ARHGEF33: variants seen among roughly 807,000 people sequenced by gnomAD.
ARHGEF33 encodes Rho guanine nucleotide exchange factor 33, also known as DH and coiled-coil domain-containing protein ENSP00000381780.
A neutral mutation model predicts 101.9 loss-of-function variants in ARHGEF33; 72 were observed. That is an observed-to-expected ratio of 0.71 (90% CI 0.58 to 0.86). The LOEUF (loss-of-function observed/expected upper bound fraction) is 0.86, where lower values mean the gene tolerates loss of function less well. Ranked by LOEUF, ARHGEF33 falls within the 40% of genes least tolerant of loss-of-function variation. ARHGEF33 has a pLI of 0.00. For synonymous variants in ARHGEF33, 499 were observed against 442.5 expected, an observed-to-expected ratio of 1.13 and a Z score of -1.60; for missense variants, 1,169 against 1,111.3, an observed-to-expected ratio of 1.05 and a Z score of -0.74.
At chr2:38,897,232 T>C (rs1666141930) in intron 2 of ARHGEF33, among the ~76,000 whole-genome samples, 1 of 152,184 alleles carries the variant, frequency 6.6e-6, no homozygotes, top group African/African-American at 2.4e-5. Flanking sequence ...GTACTTTTCA[T>C]AGTACACTCG....
At chr2:38,907,413 T>C (rs967471566) in intron 2 of ARHGEF33, among the ~76,000 whole-genome samples, 1 of 152,182 alleles carries the variant, frequency 6.6e-6, no homozygotes, top group Non-Finnish European at 1.5e-5. Context: ...CCAAATTGGA[T>C]GTCATTTCAT....
rs1280743591 is a variant in ARHGEF33, at chr2:38,959,886, G to A, written c.1581G>A (p.Leu527=). Residue 527 remains leucine, a synonymous_variant, in exon 16 of 18, where the codon CTG becomes CTA. Transcript: ENST00000409978. The part of the protein sequence containing the change: ...PVKKSQQQQS[L]MESMQPGKPS... ...AGAAAAGCCAACAGCAGCAAAGCCT[G>A]ATGGAGAGCATGCAGCCCGGGAAGC... 3 of 1,551,736 alleles carry A rather than the reference G, an allele frequency of 1.9e-6. No homozygotes were observed. Among genetic ancestry groups the A allele is most frequent in the Non-Finnish European group, 2.6e-6 (3 of 1,146,922 alleles).
At position 38,957,863 on chromosome 2, in the gene ARHGEF33, C is replaced by T. The variant is rs115748958; in HGVS notation, c.1371-171C>T. On this transcript the variant is annotated intron_variant, in intron 14 of 17. Coordinates refer to ENST00000409978, the MANE Select transcript of ARHGEF33 (RefSeq NM_001145451.5). ...AGTGAATCAGCTTCCCTAGTCCTGCCAGCTTGCACCCTATTAAGCAAAGCA... is the reference window on the plus strand; with the variant it reads ...AGTGAATCAGCTTCCCTAGTCCTGCTAGCTTGCACCCTATTAAGCAAAGCA... The T allele has an allele frequency of 7.6e-4, 555 of 732,216 alleles. 2 individuals are homozygous for T. In the African/African-American group the frequency reaches 8.9e-3, roughly 12 times the overall value. 45.4% of individuals were successfully genotyped at this position (732,216 alleles called of 1,614,324 possible). A position where few individuals can be genotyped will look rare whatever the true frequency, so the allele number is the denominator to read the frequency against.
intron 10 of ARHGEF33, among the ~76,000 whole-genome samples, chr2:38,950,681 C>T (rs1354466966): frequency 2.0e-5 from 3 of 152,182 alleles, no homozygotes; most frequent in African/African-American, 7.2e-5. Context: ...AACTCCTGAC[C>T]TCAGGTGATC....
At chr2:38,970,270 CG>C (rs1668137402) in intron 17 of ARHGEF33, among the ~76,000 whole-genome samples, 1 of 152,178 alleles carries the variant, frequency 6.6e-6, no homozygotes, top group African/African-American at 2.4e-5. Flanking sequence ...TACAGGGCCC[CG>C]TATGTAATCA....
chr2:38,915,215 C>T (rs1666604973), intron 2 of ARHGEF33, among the ~76,000 whole-genome samples: 1 of 151,856 alleles, frequency 6.6e-6, no homozygotes, highest in Non-Finnish European at 1.5e-5. Flanking sequence ...AAGGTAGTTA[C>T]AAAATTTTAG....
rs1001997046 is a variant in ARHGEF33, at chr2:38,932,711, T to A, written c.505+1460T>A. On this transcript the variant is annotated intron_variant, in intron 7 of 17. Coordinates refer to ENST00000409978, the MANE Select transcript of ARHGEF33 (RefSeq NM_001145451.5). ...AAGGTTAAAAATTATCTTTACAAAG[T>A]AAATTTGTGCATGTTTAGACAATGT... Among the ~76,000 whole-genome samples, 7 of 152,176 alleles carry A rather than the reference T, an allele frequency of 4.6e-5. 1 individual carries two copies. Among genetic ancestry groups the A allele is most frequent in the Admixed American group, 3.9e-4 (6 of 15,280 alleles).
At chr2:38,906,510 G>A (rs1367283804) in intron 2 of ARHGEF33, among the ~76,000 whole-genome samples, 1 of 152,154 alleles carries the variant, frequency 6.6e-6, no homozygotes, top group Non-Finnish European at 1.5e-5. Context: ...GTGGGGTTCA[G>A]TATGCCTTAG....
intron 7 of ARHGEF33, among the ~76,000 whole-genome samples, chr2:38,933,049 A>G (rs1349037768): frequency 2.0e-5 from 3 of 152,228 alleles, no homozygotes; most frequent in Admixed American, 6.5e-5. Context: ...ACTGTTATCT[A>G]TTGTCCCAAA....
At chr2:38,968,680 C>G (rs1316616681) in intron 17 of ARHGEF33, among the ~76,000 whole-genome samples, 1 of 152,192 alleles carries the variant, frequency 6.6e-6, no homozygotes, top group African/African-American at 2.4e-5. Context: ...ATCATGTTGC[C>G]ACCACCAATA....
chr2:38,937,388 G>C lies in ARHGEF33; in HGVS notation c.619G>C (p.Ala207Pro), dbSNP rs977841820. 1 of 1,540,288 alleles carries C rather than the reference G, an allele frequency of 6.5e-7. No individual in the cohort carries two copies. The highest frequency in any genetic ancestry group is 1.4e-5 in the African/African-American group (1 of 69,178). ...AGAAAACCTCAAGTCTTGCCTCTCG[G>C]CTGATATCCAGTCCAAGGGCCATCT... ...AEENLKSCLS[A>P]DIQSKGHLPS... is the part of the protein sequence containing the mutation. The change falls in exon 9 of 18, where the codon GCT becomes CCT. Residue 207 changes from alanine (A) to proline (P), a missense_variant. Transcript: ENST00000409978.
Position 38,959,904 on chromosome 2 carries a change from C to A in ARHGEF33, c.1599C>A (p.Pro533=). The change falls in exon 16 of 18, where the codon CCC becomes CCA. Residue 533 remains proline, a synonymous_variant. Transcript: ENST00000409978. The stretch of plus-strand genomic sequence containing the variant: ...AAAGCCTGATGGAGAGCATGCAGCC[C>A]GGGAAGCCCAGTGACTGGGAGCTGG... The part of the protein sequence containing the change: ...QQQSLMESMQ[P]GKPSDWELEG... 2 of 1,551,882 alleles carry A rather than the reference C, an allele frequency of 1.3e-6. No homozygotes were observed. The highest frequency in any genetic ancestry group is 1.7e-6 in the Non-Finnish European group (2 of 1,146,944).
At chr2:38,938,145 T>G (rs1667198308) in intron 9 of ARHGEF33, among the ~76,000 whole-genome samples, 1 of 152,218 alleles carries the variant, frequency 6.6e-6, no homozygotes, top group South Asian at 2.1e-4. Flanking sequence ...GACCGTTTTT[T>G]CTGGTACTTG....
At chr2:38,950,492 C>A (rs1355971410) in intron 10 of ARHGEF33, among the ~76,000 whole-genome samples, 1 of 152,142 alleles carries the variant, frequency 6.6e-6, no homozygotes, top group Non-Finnish European at 1.5e-5. Context: ...CGCTTTGTTA[C>A]CCAGGCTGGG....
chr2:38,956,049 A>T lies in ARHGEF33; in HGVS notation c.1222-850A>T, dbSNP rs577740906. 6.6e-5 allele frequency among the ~76,000 whole-genome samples: 10 copies of T among 152,300 alleles called. No homozygotes were observed. The South Asian group carries it at 1.7e-3, about 25-fold the overall frequency. ...AATGATCTTATTTAATCCTTTCAAC[A>T]ATCCCATGAAATAGGTATTATTGTT... On this transcript the variant is annotated intron_variant, in intron 13 of 17. Coordinates refer to ENST00000409978, the MANE Select transcript of ARHGEF33 (RefSeq NM_001145451.5).
At chr2:38,936,676 G>A (rs1291185253) in intron 8 of ARHGEF33, among the ~76,000 whole-genome samples, 3 of 152,136 alleles carry the variant, frequency 2.0e-5, no homozygotes, top group South Asian at 2.1e-4. Flanking sequence ...AGGCAGATTC[G>A]TTAAGAGTTA....
chr2:38,931,327 C>G (rs781078281), intron 7 of ARHGEF33, 76 bp downstream of exon 7: 58 of 1,292,244 alleles, frequency 4.5e-5, no homozygotes, highest in Non-Finnish European at 5.6e-5. Context: ...GGCTTAAACC[C>G]TCCATCTTTG....
intron 7 of ARHGEF33, 74 bp downstream of exon 7, chr2:38,931,325 C>T (rs923591900): frequency 4.6e-6 from 6 of 1,301,326 alleles, no homozygotes; most frequent in South Asian, 1.6e-5. Flanking sequence ...TGGGCTTAAA[C>T]CCTCCATCTT....
intron 2 of ARHGEF33, among the ~76,000 whole-genome samples, chr2:38,900,026 C>CA (rs5830545): frequency 3.3e-5 from 5 of 149,930 alleles, no homozygotes; most frequent in Non-Finnish European, 7.4e-5. Flanking sequence ...CTCACTTCTA[C>CA]AAAAAAAAAA....
Sources: gnomAD v4.1 joint callset for allele counts (sites outside exome capture counted in the v4.1 genomes callset) on GRCh38, gnomAD v4.1.1 for gene constraint, MANE v1.5 for transcripts, NCBI Gene and HGNC (gene_info 2026-07-23, HGNC 2026-07-21) for gene names.